The following WDR7 variants were observed in gnomAD, a reference collection of about 807,000 sequenced individuals.
The protein encoded by WDR7 is WD repeat-containing protein 7.
Under a neutral mutation model 169.4 loss-of-function variants are expected in WDR7, and 46 were observed. That is an observed-to-expected ratio of 0.27 (90% CI 0.21 to 0.35). The LOEUF is 0.35. Among genes scored for constraint, WDR7 ranks in the 10% least tolerant of loss-of-function variants. The probability of loss-of-function intolerance (pLI) is 1.00; values close to 1 mark genes in which losing one functional copy is unlikely to be tolerated. For missense variants in WDR7, 1,534 were observed against 1,859.3 expected, an observed-to-expected ratio of 0.83 and a Z score of 3.22; for synonymous variants, 612 against 666.8, an observed-to-expected ratio of 0.92 and a Z score of 1.27.
At chr18:56,697,825 G>C (rs1197613281) in intron 12 of WDR7, among the ~76,000 whole-genome samples, 1 of 152,104 alleles carries the variant, frequency 6.6e-6, no homozygotes, top group African/African-American at 2.4e-5. Context: ...GTGTGTGAGA[G>C]AATAAAATAT....
At chr18:56,744,755 G>A (rs2043676491) in intron 14 of WDR7, among the ~76,000 whole-genome samples, 1 of 152,154 alleles carries the variant, frequency 6.6e-6, no homozygotes, top group Admixed American at 6.5e-5. Context: ...ACCTTTGCGT[G>A]GGAGGTTTCA....
chr18:56,825,185 C>G (rs998717727), intron 20 of WDR7, among the ~76,000 whole-genome samples: 3 of 152,336 alleles, frequency 2.0e-5, no homozygotes, highest in African/African-American at 7.2e-5. Flanking sequence ...AGTCTTTAAT[C>G]AACTGTTGCC....
chr18:56,904,463 CTA>C (rs1003769085), intron 21 of WDR7, among the ~76,000 whole-genome samples: 1 of 152,144 alleles, frequency 6.6e-6, no homozygotes, highest in Non-Finnish European at 1.5e-5. Flanking sequence ...TTAATTACCT[CTA>C]AACTTGCTAA....
intron 13 of WDR7, among the ~76,000 whole-genome samples, chr18:56,728,047 C>A (rs2026499378): frequency 6.6e-6 from 1 of 152,088 alleles, no homozygotes; most frequent in African/African-American, 2.4e-5. Flanking sequence ...AAAATGTTTC[C>A]CAATTTCCGT....
At chr18:56,837,723 T>A (rs1476639795) in intron 20 of WDR7, among the ~76,000 whole-genome samples, 1 of 152,150 alleles carries the variant, frequency 6.6e-6, no homozygotes, top group Non-Finnish European at 1.5e-5. Flanking sequence ...GCAATATGCG[T>A]GATCTCGGCT....
chr18:56,934,558 C>G (rs1324298333), intron 22 of WDR7, among the ~76,000 whole-genome samples: 5 of 152,006 alleles, frequency 3.3e-5, no homozygotes, highest in African/African-American at 4.8e-5. Context: ...TCTCTACCCT[C>G]CGTATGGGAA....
chr18:56,802,473 T>C (rs1462032928), intron 19 of WDR7, among the ~76,000 whole-genome samples: 1 of 151,818 alleles, frequency 6.6e-6, no homozygotes, highest in East Asian at 1.9e-4. Context: ...TTCTCCTGCC[T>C]CAGCCTCCTG....
At chr18:56,769,738 G>A (rs1037257197) in intron 16 of WDR7, among the ~76,000 whole-genome samples, 4 of 152,168 alleles carry the variant, frequency 2.6e-5, no homozygotes, top group African/African-American at 9.7e-5. Context: ...AAACTTAGAA[G>A]TAAGAGGTGG....
chr18:56,819,276 A>T (rs1420981496), intron 20 of WDR7, among the ~76,000 whole-genome samples: 1 of 152,182 alleles, frequency 6.6e-6, no homozygotes, highest in African/African-American at 2.4e-5. Context: ...TGAAGCGAAG[A>T]ATCTTAACTG....
intron 21 of WDR7, among the ~76,000 whole-genome samples, chr18:56,914,772 T>C (rs1040349038): frequency 6.6e-6 from 1 of 152,186 alleles, no homozygotes; most frequent in Non-Finnish European, 1.5e-5. Context: ...GACGGCTACA[T>C]GCATTAAGTA....
At chr18:56,843,179 T>C (rs1448900338) in intron 20 of WDR7, among the ~76,000 whole-genome samples, 2 of 152,222 alleles carry the variant, frequency 1.3e-5, no homozygotes, top group Non-Finnish European at 2.9e-5. Flanking sequence ...TGTCTAGCTA[T>C]TGAAAATTGG....
intron 26 of WDR7, among the ~76,000 whole-genome samples, chr18:56,967,314 T>A (rs1178695945): frequency 6.6e-6 from 1 of 152,084 alleles, no homozygotes. Context: ...TGCAATTCAG[T>A]AGTTAAGGTC....
At chr18:57,026,969 G>A in intron 27 of WDR7, 35 bp from the exon 28 acceptor site, 2 of 1,597,962 alleles carry the variant, frequency 1.3e-6, no homozygotes, top group Admixed American at 1.7e-5. Flanking sequence ...GGAGAGGGCT[G>A]TTCAAGTGAC....
At chr18:56,663,615 T>G (rs922230982) in intron 1 of WDR7, among the ~76,000 whole-genome samples, 10 of 150,980 alleles carry the variant, frequency 6.6e-5, no homozygotes, top group Middle Eastern at 3.2e-3. Context: ...ATGCACAGCA[T>G]ATATACACCA....
At chr18:57,005,441 A>G (rs1426364355) in intron 26 of WDR7, among the ~76,000 whole-genome samples, 2 of 152,192 alleles carry the variant, frequency 1.3e-5, no homozygotes, top group Non-Finnish European at 2.9e-5. Context: ...ATGGAAAAAT[A>G]AAATAGTGCA....
At chr18:57,034,858 C>T in the WDR7 span, 1 of 152,092 alleles carries the variant, frequency 6.6e-6, no homozygotes, top group Non-Finnish European at 1.5e-5. Context: ...AGGAGAGCTT[C>T]ATCTCCTACA....
intron 16 of WDR7, among the ~76,000 whole-genome samples, chr18:56,769,186 C>T (rs1324980640): frequency 6.7e-6 from 1 of 150,090 alleles, no homozygotes; most frequent in African/African-American, 2.4e-5. Flanking sequence ...GTAAATATAG[C>T]TGTAAGTCTG....
chr18:56,708,930 C>CT (rs1479172249), intron 12 of WDR7, among the ~76,000 whole-genome samples: 9 of 152,164 alleles, frequency 5.9e-5, no homozygotes, highest in Non-Finnish European at 8.8e-5. Context: ...GAACGAGACT[C>CT]TGTCTCAAAC....
chr18:56,906,820 G>A (rs1461764404), intron 21 of WDR7, among the ~76,000 whole-genome samples: 2 of 152,022 alleles, frequency 1.3e-5, no homozygotes, highest in African/African-American at 4.8e-5. Flanking sequence ...GGGATTACAG[G>A]CATGAGCCAC....
Sources: allele counts gnomAD v4.1 joint callset (sites outside exome capture counted in the v4.1 genomes callset), GRCh38; gene constraint gnomAD v4.1.1; transcripts MANE v1.5; gene names NCBI Gene and HGNC (gene_info 2026-07-23, HGNC 2026-07-21).